The following GPM6B variants were observed in gnomAD, a reference collection of about 807,000 sequenced individuals.
GPM6B encodes neuronal membrane glycoprotein M6-b.
GPM6B carries 4 observed loss-of-function variants against 27.2 expected under a neutral mutation model. The observed-to-expected ratio is 0.15, with a 90% CI of 0.07 to 0.34. The LOEUF (loss-of-function observed/expected upper bound fraction) is 0.34. Among genes scored for constraint, GPM6B ranks in the 10% least tolerant of loss-of-function variants. GPM6B has a pLI of 1.00. For synonymous variants in GPM6B, 124 were observed against 103.1 expected (o/e 1.20, Z -1.23); for missense variants, 183 against 261.9 (o/e 0.70, Z 2.08).
At chrX:13,799,540 C>G (rs112126088) in intron 2 of GPM6B, among the ~76,000 whole-genome samples, 1,617 of 109,762 alleles carry the variant, frequency 0.015, 26 homozygotes, top group African/African-American at 0.051. Context: ...AAGGTCTTGA[C>G]CAGCCTGGCC....
intron 1 of GPM6B, among the ~76,000 whole-genome samples, chrX:13,833,125 A>C (rs1340204115): frequency 9.0e-6 from 1 of 111,293 alleles, no homozygotes; most frequent in Admixed American, 9.5e-5. Context: ...AGCATTCCCT[A>C]AAAATCTGTG....
upstream of GPM6B, chrX:13,817,308 T>G (rs966756703): frequency 4.0e-6 from 3 of 758,038 alleles, no homozygotes; most frequent in Non-Finnish European, 4.7e-6. Flanking sequence ...TCGATCTCTC[T>G]CTCTCTCTCT....
intron 2 of GPM6B, among the ~76,000 whole-genome samples, chrX:13,801,513 T>C (rs759623254): frequency 1.0e-3 from 113 of 112,579 alleles, no homozygotes; most frequent in Non-Finnish European, 1.5e-3. Context: ...AAGGACCAGA[T>C]GGCAAATATT....
chrX:13,817,297 C>G, upstream of GPM6B: 1 of 771,411 alleles, frequency 1.3e-6, no homozygotes, highest in South Asian at 6.8e-5. Context: ...AGATCTCAAT[C>G]TCGATCTCTC....
chrX:13,906,462 T>G (rs772145736), intron 1 of GPM6B, among the ~76,000 whole-genome samples: 1 of 112,140 alleles, frequency 8.9e-6, no homozygotes, highest in East Asian at 2.8e-4. Flanking sequence ...TACTGGTCAC[T>G]AAGTATTGGA....
Position 13,779,888 on chromosome X carries a change from T to C in GPM6B, c.627A>G (p.Glu209=). Residue 209 remains glutamate (E), a synonymous_variant, in exon 5 of 8, where the codon GAA becomes GAG. Transcript: ENST00000316715. ...FMFYNIWSTC[E]VIKSPQTNGT... is the part of the protein sequence containing the mutation. ...CGTTGGTCTGCGGTGACTTGATGAC[T>C]TCACAAGTTGACCATATGTTGTAGA... 1 of 1,204,311 alleles carries C rather than the reference T, an allele frequency of 8.3e-7. No individual in the cohort carries two copies. The highest frequency in any genetic ancestry group is 1.1e-6 in the Non-Finnish European group (1 of 890,017).
Position 13,772,077 on chromosome X carries a change from G to A in GPM6B, c.*804C>T, listed in dbSNP as rs773238814. ...TCTGTGAAAGATATTTGGGTCTCTA[G>A]TTATGATATAAATTCTTAGAAATTT... is the stretch of plus-strand genomic sequence containing the variant. On this transcript the variant is annotated 3_prime_UTR_variant, in exon 8 of 8. Transcript: ENST00000316715. The A allele has an allele frequency of 8.9e-6, 1 of 112,121 alleles. No homozygotes were observed. The highest frequency in any genetic ancestry group is 9.5e-5 in the Admixed American group (1 of 10,474). 9.2% of individuals were successfully genotyped at this position (112,121 alleles called of 1,213,427 possible). A position where few individuals can be genotyped will look rare whatever the true frequency, so the allele number is the denominator to read the frequency against.
chrX:13,930,363 C>A (rs1167139211), intron 1 of GPM6B, among the ~76,000 whole-genome samples: 2 of 111,208 alleles, frequency 1.8e-5, no homozygotes, highest in Non-Finnish European at 3.8e-5. Context: ...ACCTATAATC[C>A]CAGCACTTTG....
At chrX:13,914,933 AATTG>A (rs2050413512) in intron 1 of GPM6B, among the ~76,000 whole-genome samples, 1 of 110,801 alleles carries the variant, frequency 9.0e-6, no homozygotes, top group Non-Finnish European at 1.9e-5. Context: ...GATCTGGCCC[AATTG>A]ATTGTGACTA....
intron 1 of GPM6B, among the ~76,000 whole-genome samples, chrX:13,828,314 T>C (rs1173385396): frequency 9.1e-6 from 1 of 110,398 alleles, no homozygotes; most frequent in Non-Finnish European, 1.9e-5. Context: ...TGGATTATCA[T>C]GGGAGGGTAC....
chrX:13,817,076 C>T lies in GPM6B; in HGVS notation c.-172G>A. On this transcript the variant is annotated 5_prime_UTR_variant, in exon 1 of 8. Coordinates refer to ENST00000316715, the MANE Select transcript of GPM6B (RefSeq NM_001001995.3). ...CCCTTCCAAGATGCAAAAGTCTTGT[C>T]AGCGTCAATTTCGCTCTGCCTACTG... The T allele has an allele frequency of 1.9e-6, 2 of 1,026,417 alleles. No individual in the cohort carries two copies. Among genetic ancestry groups the T allele is most frequent in the East Asian group, 3.8e-5 (1 of 26,279 alleles). 84.6% of individuals were successfully genotyped at this position (1,026,417 alleles called of 1,213,427 possible). A position where few individuals can be genotyped will look rare whatever the true frequency, so the allele number is the denominator to read the frequency against.
At chrX:13,819,232 T>C (rs994676268), upstream of GPM6B, among the ~76,000 whole-genome samples, 4 of 112,635 alleles carry the variant, frequency 3.6e-5, no homozygotes, top group African/African-American at 1.3e-4. Context: ...TTCACTAGGA[T>C]AATGTATTAC....
chrX:13,856,548 G>A (rs2147247015), intron 1 of GPM6B, among the ~76,000 whole-genome samples: 1 of 112,072 alleles, frequency 8.9e-6, no homozygotes, highest in South Asian at 3.7e-4. Context: ...CAGAAGAGAT[G>A]TTTTATTAGT....
At chrX:13,938,576 C>A (rs1424447373), upstream of GPM6B, 1 of 680,125 alleles carries the variant, frequency 1.5e-6, no homozygotes, top group Non-Finnish European at 1.9e-6. Flanking sequence ...CGGGCAGAGC[C>A]GGTGGCACAA....
intron 2 of GPM6B, among the ~76,000 whole-genome samples, chrX:13,802,549 A>ATT (rs1161396471): frequency 2.2e-5 from 2 of 92,397 alleles, no homozygotes; most frequent in South Asian, 5.6e-4. Context: ...TATATAAATT[A>ATT]TTTTATATAT....
intron 1 of GPM6B, chrX:13,812,839 T>G (rs1227717027): frequency 9.2e-6 from 1 of 108,276 alleles, no homozygotes; most frequent in African/African-American, 3.4e-5. Context: ...AAAATCCTAA[T>G]GGAATTAATA....
chrX:13,905,156 A>G (rs1030408626), intron 1 of GPM6B, among the ~76,000 whole-genome samples: 3 of 103,405 alleles, frequency 2.9e-5, no homozygotes, highest in African/African-American at 1.1e-4. Flanking sequence ...GTTTGAGCCC[A>G]GGAGGTCAAG....
At chrX:13,827,167 C>T (rs1489669067) in intron 1 of GPM6B, among the ~76,000 whole-genome samples, 1 of 110,039 alleles carries the variant, frequency 9.1e-6, no homozygotes, top group Admixed American at 9.7e-5. Flanking sequence ...GCCAAAATCC[C>T]AATCGCACTG....
At chrX:13,887,288 G>A (rs147485552) in intron 1 of GPM6B, among the ~76,000 whole-genome samples, 162 of 112,640 alleles carry the variant, frequency 1.4e-3, no homozygotes, top group African/African-American at 4.7e-3. Flanking sequence ...TCCTTCAGGA[G>A]GGCCTGTAGG....
Sources: gnomAD v4.1 joint callset for allele counts (sites outside exome capture counted in the v4.1 genomes callset) on GRCh38, gnomAD v4.1.1 for gene constraint, MANE v1.5 for transcripts, NCBI Gene and HGNC (gene_info 2026-07-23, HGNC 2026-07-21) for gene names.